The following GHR variants were observed in gnomAD, a reference collection of about 807,000 sequenced individuals.
The protein encoded by GHR is growth hormone receptor.
A neutral mutation model predicts 67.1 loss-of-function variants in GHR; 35 were observed. That is an observed-to-expected ratio of 0.52 (90% CI 0.40 to 0.69). The LOEUF is 0.69. Among genes scored for constraint, GHR ranks in the 30% least tolerant of loss-of-function variants. The probability of loss-of-function intolerance (pLI) is 0.00; values close to 1 mark genes in which losing one functional copy is unlikely to be tolerated. For synonymous variants in GHR, 272 were observed against 269.1 expected (o/e 1.01, Z -0.10); for missense variants, 792 against 764.6 (o/e 1.04, Z -0.42).
At position 42,718,492 on chromosome 5, in the gene GHR, C is replaced by T; in HGVS notation, c.985C>T (p.His329Tyr). 6.2e-7 allele frequency: 1 copy of T among 1,610,192 alleles called. No individual in the cohort carries two copies. The highest frequency in any genetic ancestry group is 8.5e-7 in the Non-Finnish European group (1 of 1,176,436). The change falls in exon 10 of 10, where the codon CAT becomes TAT. Residue 329 changes from histidine to tyrosine, a missense_variant. Transcript: ENST00000230882. ...LEEVNTILAI[H>Y]DSYKPEFHSD... ...GGAGGTGAACACAATCTTAGCCATT[C>T]ATGATAGCTATAAACCCGAATTCCA...
At chr5:42,596,772 A>G (rs1752092370) in intron 2 of GHR, among the ~76,000 whole-genome samples, 1 of 152,202 alleles carries the variant, frequency 6.6e-6, no homozygotes, top group South Asian at 2.1e-4. Flanking sequence ...AACTCTTCCA[A>G]AGCACTTAGC....
chr5:42,534,140 GTATATATGTATGTATATATATGTACA>G (rs1748110699), intron 1 of GHR, among the ~76,000 whole-genome samples: 1 of 146,940 alleles, frequency 6.8e-6, no homozygotes, highest in African/African-American at 2.5e-5. Context: ...ATGTACATAT[GTATATATGTATGTATATATATGTACA>G]TATGTATATA....
intron 1 of GHR, among the ~76,000 whole-genome samples, chr5:42,524,544 C>G (rs150674597): frequency 0.038 from 5,791 of 152,194 alleles, 360 homozygotes; most frequent in African/African-American, 0.13. Flanking sequence ...CATGACAATG[C>G]AGTAGAAAAG....
intron 1 of GHR, among the ~76,000 whole-genome samples, chr5:42,474,321 G>GAAAGAAAGAAAGAAAGAAAGA (rs1745183752): frequency 7.3e-6 from 1 of 136,218 alleles, no homozygotes; most frequent in African/African-American, 3.0e-5. Context: ...AAGAAAGAAA[G>GAAAGAAAGAAAGAAAGAAAGA]AAAGAAAGAA....
chr5:42,548,576 A>G, intron 1 of GHR: 1 of 807,482 alleles, frequency 1.2e-6, no homozygotes, highest in Non-Finnish European at 1.5e-6. Flanking sequence ...AAAGGCTGAT[A>G]GTCAGGGTTT....
chr5:42,470,886 T>C (rs1744983982), intron 1 of GHR, among the ~76,000 whole-genome samples: 1 of 152,214 alleles, frequency 6.6e-6, no homozygotes, highest in Admixed American at 6.5e-5. Flanking sequence ...CTTTTCCATT[T>C]TTCCTTATTA....
At chr5:42,480,722 C>T (rs1745588534) in intron 1 of GHR, among the ~76,000 whole-genome samples, 1 of 151,994 alleles carries the variant, frequency 6.6e-6, no homozygotes, top group Non-Finnish European at 1.5e-5. Flanking sequence ...CTGCCTTTTT[C>T]TGTTTTCCAT....
intron 1 of GHR, among the ~76,000 whole-genome samples, chr5:42,489,796 T>C (rs1370374209): frequency 6.6e-6 from 1 of 152,196 alleles, no homozygotes; most frequent in Non-Finnish European, 1.5e-5. Context: ...CATTCATCTT[T>C]ATAAATAAGA....
rs963747297 is a variant in GHR at position 42,424,720 on chromosome 5, G to C, written c.-12+765G>C. 7 of 1,022,838 alleles carry C rather than the reference G, an allele frequency of 6.8e-6. No homozygotes were observed. The highest frequency in any genetic ancestry group is 7.4e-6 in the Non-Finnish European group (5 of 678,474). 63.4% of individuals were successfully genotyped at this position (1,022,838 alleles called of 1,614,324 possible). On this transcript the variant is annotated intron_variant, in intron 1 of 9. Coordinates refer to ENST00000230882, the MANE Select transcript of GHR (RefSeq NM_000163.5). The surrounding 1 kb of genome is among the most constrained non-coding windows in gnomAD (Gnocchi z 4.1). ...GGCTGCGGGTCAATGGGGTGGCCGC[G>C]TGTCTAGGGAGAGGGCGCTGGCGGC...
intron 2 of GHR, among the ~76,000 whole-genome samples, chr5:42,586,683 C>A (rs768997386): frequency 5.3e-5 from 8 of 152,192 alleles, no homozygotes; most frequent in Non-Finnish European, 1.2e-4. Context: ...AGCCTCGGGA[C>A]TTCAGTGCTT....
chr5:42,718,833 T>G lies in GHR; in HGVS notation c.1326T>G (p.Ala442=). The change falls in exon 10 of 10, where the codon GCT becomes GCG. Residue 442 remains alanine, a synonymous_variant. Coordinates refer to ENST00000230882, the MANE Select transcript of GHR (RefSeq NM_000163.5). ...NNSPYHDACP[A]TQQPSVIQAE... The stretch of plus-strand genomic sequence containing the variant: ...CACCTTATCATGATGCTTGCCCTGC[T>G]ACTCAGCAGCCCAGTGTTATCCAAG... 1 of 1,614,150 alleles carries G rather than the reference T, an allele frequency of 6.2e-7. No homozygotes were observed.
chr5:42,579,159 G>GAT (rs1468791120), intron 2 of GHR, among the ~76,000 whole-genome samples: 6 of 85,904 alleles, frequency 7.0e-5, no homozygotes, highest in African/African-American at 1.4e-4. Flanking sequence ...GATATAGATA[G>GAT]ATAGATAGAT....
chr5:42,592,440 C>T (rs1751832018), intron 2 of GHR, among the ~76,000 whole-genome samples: 1 of 152,164 alleles, frequency 6.6e-6, no homozygotes, highest in Non-Finnish European at 1.5e-5. Flanking sequence ...AAGTGGGTGC[C>T]AGTGTCTATT....
At chr5:42,467,333 C>G in intron 1 of GHR, 1 of 1,068,558 alleles carries the variant, frequency 9.4e-7, no homozygotes, top group Non-Finnish European at 1.5e-6. Flanking sequence ...CGCTGATGTA[C>G]AATAAGATTT....
chr5:42,663,186 T>G (rs1475363646), intron 3 of GHR, among the ~76,000 whole-genome samples: 11 of 152,216 alleles, frequency 7.2e-5, no homozygotes, highest in Non-Finnish European at 1.2e-4. Flanking sequence ...CTGGTACCAT[T>G]CCTTCTGAAA....
At chr5:42,538,637 C>T (rs552687966) in intron 1 of GHR, among the ~76,000 whole-genome samples, 36 of 152,250 alleles carry the variant, frequency 2.4e-4, no homozygotes, top group African/African-American at 8.2e-4. Flanking sequence ...TTTAGATAAC[C>T]TGGTAACAAT....
Position 42,612,515 on chromosome 5 carries a change from G to T in GHR, c.71-16523G>T, listed in dbSNP as rs147635691. 4.3e-3 allele frequency among the ~76,000 whole-genome samples: 658 copies of T among 151,988 alleles called. 4 individuals are homozygous for T. Among genetic ancestry groups the T allele is most frequent in the African/African-American group, 0.015 (636 of 41,462 alleles). On this transcript the variant is annotated intron_variant, in intron 2 of 9. Transcript: ENST00000230882. Reference sequence around the variant, plus strand: ...TTTTAATATATCAAACTAGCATGTGGGTTGAGACACAACATCACATTACAA... The same window carrying T: ...TTTTAATATATCAAACTAGCATGTGTGTTGAGACACAACATCACATTACAA...
intron 1 of GHR, among the ~76,000 whole-genome samples, chr5:42,521,404 T>A: frequency 6.6e-6 from 1 of 152,224 alleles, no homozygotes; most frequent in East Asian, 1.9e-4. Flanking sequence ...TATGAAGCCA[T>A]AATTGCTTAG....
chr5:42,634,863 T>C (rs961300868), intron 3 of GHR, among the ~76,000 whole-genome samples: 1 of 152,194 alleles, frequency 6.6e-6, no homozygotes, highest in Non-Finnish European at 1.5e-5. Context: ...GCCTCTCTGC[T>C]TTCATTCTTT....
Sources: allele counts gnomAD v4.1 joint callset (sites outside exome capture counted in the v4.1 genomes callset), GRCh38; gene constraint gnomAD v4.1.1; non-coding constraint Gnocchi (gnomAD v3.1); transcripts MANE v1.5; gene names NCBI Gene and HGNC (gene_info 2026-07-23, HGNC 2026-07-21).